PLXNA1: variants seen among roughly 807,000 people sequenced by gnomAD.
PLXNA1 encodes plexin-A1.
A neutral mutation model predicts 191.7 loss-of-function variants in PLXNA1; 77 were observed. That is an observed-to-expected ratio of 0.40 (90% confidence interval 0.33 to 0.49). The LOEUF (loss-of-function observed/expected upper bound fraction) is 0.49, where lower values mean the gene tolerates loss of function less well. Ranked by LOEUF, PLXNA1 falls within the 20% of genes least tolerant of loss-of-function variation. PLXNA1 has a pLI of 0.63. For missense variants in PLXNA1, 2,110 were observed against 2,660.2 expected (o/e 0.79, Z 4.55); for synonymous variants, 1,137 against 1,156.4 (o/e 0.98, Z 0.34).
At chr3:126,995,239 C>T (rs953584693) in intron 3 of PLXNA1, among the ~76,000 whole-genome samples, 2 of 152,182 alleles carry the variant, frequency 1.3e-5, no homozygotes, top group African/African-American at 2.4e-5. Flanking sequence ...TGCTCTGCAC[C>T]CACACAGGCA....
intron 29 of PLXNA1, among the ~76,000 whole-genome samples, chr3:127,032,175 G>A (rs1313103104): frequency 2.0e-5 from 3 of 152,368 alleles, no homozygotes; most frequent in Non-Finnish European, 2.9e-5. Flanking sequence ...GATGCTCTGC[G>A]TGAGATGCAG....
At chr3:127,023,530 G>T (rs979729621) in intron 23 of PLXNA1, among the ~76,000 whole-genome samples, 1 of 152,210 alleles carries the variant, frequency 6.6e-6, no homozygotes, top group Admixed American at 6.5e-5. Context: ...TCGCTGCTCT[G>T]TGGGTGAGGG....
rs763616398 is a variant in PLXNA1, at chr3:127,014,623, C to T, written c.2750C>T (p.Ala917Val). 6.8e-6 allele frequency: 11 copies of T among 1,611,748 alleles called. No individual in the cohort carries two copies. The highest frequency in any genetic ancestry group is 1.7e-4 in the Middle Eastern group (1 of 6,060). The change falls in exon 13 of 32, where the codon GCG becomes GTG. Residue 917 changes from alanine to valine, a missense_variant. Transcript: ENST00000393409. ...CCTGTGGAGAGCGAGTACATCAGTG[C>T]GGAGCAGTGAGTGCAGCCCTGGGTG... ...CSPVESEYIS[A>V]EQIVCEIGDA... is the part of the protein sequence containing the mutation.
intron 1 of PLXNA1, among the ~76,000 whole-genome samples, 145 bp downstream of exon 1, chr3:126,983,432 G>A (rs896682879): frequency 1.4e-5 from 2 of 146,222 alleles, no homozygotes; most frequent in African/African-American, 4.9e-5. Flanking sequence ...CAGGGGGTGT[G>A]CGCGGGGACT....
At chr3:127,012,479 G>A (rs559269923) in intron 10 of PLXNA1, among the ~76,000 whole-genome samples, 32 of 152,252 alleles carry the variant, frequency 2.1e-4, no homozygotes, top group Non-Finnish European at 3.1e-4. Context: ...TGCAGCATCC[G>A]TGGGTCCCAG....
chr3:127,019,750 C>T (rs1310458449), intron 20 of PLXNA1, among the ~76,000 whole-genome samples: 3 of 152,114 alleles, frequency 2.0e-5, no homozygotes, highest in African/African-American at 7.2e-5. Flanking sequence ...CAGAGCTGGC[C>T]CTGAGCAGGG....
chr3:127,009,687 G>T (rs2079086560), intron 9 of PLXNA1, among the ~76,000 whole-genome samples: 1 of 151,986 alleles, frequency 6.6e-6, no homozygotes, highest in African/African-American at 2.4e-5. Context: ...GCCACCATCC[G>T]CCCCCTGCCC....
At chr3:127,032,267 G>A (rs1329913255) in intron 29 of PLXNA1, 120 bp from the exon 30 acceptor site, 14 of 1,024,804 alleles carry the variant, frequency 1.4e-5, no homozygotes, top group East Asian at 2.5e-5. Context: ...TGTGGGCCTC[G>A]TTTCCCCGTC....
chr3:127,017,503 C>T lies in PLXNA1; in HGVS notation c.3355C>T (p.Leu1119=), dbSNP rs771685203. ...CAACCCTGTGCGCAGCCCACCAGAG[C>T]TGGGGGAGCGGCCGGATGAGCTGGG... ...VANPVRSPPE[L]GERPDELGFV... Residue 1119 remains leucine, a synonymous_variant, in exon 18 of 32, where the codon CTG becomes TTG. Transcript: ENST00000393409. 46 of 1,613,544 alleles carry T rather than the reference C, an allele frequency of 2.9e-5. No homozygotes were observed. In the South Asian group the frequency reaches 4.6e-4, roughly 16 times the overall value.
chr3:127,004,563 G>A (rs1337849777), intron 4 of PLXNA1, 48 bp from the exon 5 acceptor site: 1 of 1,365,814 alleles, frequency 7.3e-7, no homozygotes, highest in African/African-American at 1.4e-5. Context: ...GGATGGTCAA[G>A]GACCCCTGGG....
At chr3:127,004,441 G>A (rs1409009603) in intron 4 of PLXNA1, among the ~76,000 whole-genome samples, 170 bp from the exon 5 acceptor site, 1 of 152,184 alleles carries the variant, frequency 6.6e-6, no homozygotes, top group Non-Finnish European at 1.5e-5. Context: ...GGCCTGACCT[G>A]TGCGACCTGG....
Position 126,989,429 on chromosome 3 carries a change from C to A in PLXNA1, c.836C>A (p.Thr279Lys). 1 of 1,613,606 alleles carries A rather than the reference C, an allele frequency of 6.2e-7. No homozygotes were observed. The highest frequency in any genetic ancestry group is 8.5e-7 in the Non-Finnish European group (1 of 1,180,048). The stretch of plus-strand genomic sequence containing the variant: ...GATGCCGCCGGCGAGCACTTCTTCA[C>A]GTCCAAGATCGTGCGGCTCTGTGTG... The part of the protein sequence containing the change: ...SPDAAGEHFF[T>K]SKIVRLCVDD... The change falls in exon 2 of 32, where the codon ACG (threonine) becomes AAG (lysine). Residue 279 changes from threonine (T) to lysine (K), a missense_variant. Around this residue, in one of 4 missense-constraint regions of PLXNA1, gnomAD observed 903 missense variants for 1,015.7 expected, o/e 0.89. Transcript: ENST00000393409.
At chr3:127,011,059 G>T (rs1200004301) in intron 9 of PLXNA1, among the ~76,000 whole-genome samples, 1 of 152,232 alleles carries the variant, frequency 6.6e-6, no homozygotes, top group Non-Finnish European at 1.5e-5. Context: ...GCCTCAGCAT[G>T]CAGAGTCACT....
At position 127,022,210 on chromosome 3, in the gene PLXNA1, T is replaced by C. The variant is rs756161787; in HGVS notation, c.4164T>C (p.Asn1388=). The C allele has an allele frequency of 7.4e-6, 12 of 1,613,316 alleles. No individual in the cohort carries two copies. Among genetic ancestry groups the C allele is most frequent in the African/African-American group, 1.3e-5 (1 of 74,940 alleles). The change falls in exon 22 of 32, where the codon AAT becomes AAC. Residue 1388 remains asparagine, a synonymous_variant. Transcript: ENST00000393409. The part of the protein sequence containing the change: ...QRSFSMRDRG[N]VASLIMTALQ... ...GCTTCTCCATGCGCGACCGCGGGAA[T>C]GTGGCCTCGCTCATCATGACGGCCC...
At position 126,989,331 on chromosome 3, in the gene PLXNA1, TGTGTACAGCTTCC is replaced by T; in HGVS notation, c.740_752del (p.Val247AlafsTer13). 1 of 1,613,652 alleles carries T rather than the reference TGTGTACAGCTTCC, an allele frequency of 6.2e-7. No homozygotes were observed. The highest frequency in any genetic ancestry group is 8.5e-7 in the Non-Finnish European group (1 of 1,180,044). ...AGTTCCCGGCCTTTGACATCTACTA[TGTGTACAGCTTCC>T]GCAGCGAGCAGTTTGTCTACTACCT... is the stretch of plus-strand genomic sequence containing the variant. On this transcript the variant is annotated frameshift_variant, in exon 2 of 32. Coordinates refer to ENST00000393409, the MANE Select transcript of PLXNA1 (RefSeq NM_032242.4). LOFTEE classifies it high-confidence loss of function.
intron 17 of PLXNA1, 23 bp from the exon 18 acceptor site, chr3:127,017,402 G>A: frequency 1.2e-6 from 2 of 1,606,030 alleles, no homozygotes; most frequent in Admixed American, 1.7e-5. Context: ...GTCCCGCCCA[G>A]CATCCCCACC....
Position 126,988,700 on chromosome 3 carries a change from G to T in PLXNA1, c.107G>T (p.Gly36Val), listed in dbSNP as rs759277697. The change falls in exon 2 of 32, where the codon GGT (glycine) becomes GTT (valine). Residue 36 changes from glycine to valine, a missense_variant. Physicochemically the swap from Gly to Val is moderately radical, Grantham distance 109 (BLOSUM62 -3). Coordinates refer to ENST00000393409, the MANE Select transcript of PLXNA1 (RefSeq NM_032242.4). ...GCAGGCTTGCCCAGGGCAGGCGGGG[G>T]TTCACAGCCCCCCTTCCGCACCTTC... ...AEAGLPRAGG[G>V]SQPPFRTFSA... 11 of 1,574,790 alleles carry T rather than the reference G, an allele frequency of 7.0e-6. No homozygotes were observed. The African/African-American group carries it at 1.2e-4, about 17-fold the overall frequency.
intron 7 of PLXNA1, among the ~76,000 whole-genome samples, chr3:127,005,812 C>T (rs998275289): frequency 6.6e-6 from 1 of 152,136 alleles, no homozygotes; most frequent in African/African-American, 2.4e-5. Flanking sequence ...GTTGGACAGT[C>T]GCTCTGCAGG....
Position 126,991,323 on chromosome 3 carries a change from A to G in PLXNA1, c.1195-61A>G, listed in dbSNP as rs911067503. On this transcript the variant is annotated intron_variant, in intron 2 of 31. Transcript: ENST00000393409. Reference sequence around the variant, plus strand: ...ACTGCACTCCCAGCCCTGCCCAGGGAGGCCCAGTCCTCCGGGAGAAGGTGC... The same window carrying G: ...ACTGCACTCCCAGCCCTGCCCAGGGGGGCCCAGTCCTCCGGGAGAAGGTGC... The G allele has an allele frequency of 8.6e-5, 136 of 1,583,472 alleles. 2 individuals are homozygous for G. In the East Asian group the frequency reaches 1.7e-3, roughly 20 times the overall value.
Sources: gnomAD v4.1 joint callset for allele counts (sites outside exome capture counted in the v4.1 genomes callset) on GRCh38, gnomAD v4.1.1 for gene constraint, gnomAD v4.1.1 regional missense constraint, MANE v1.5 for transcripts, NCBI Gene and HGNC (gene_info 2026-07-23, HGNC 2026-07-21) for gene names.